Variants in COLEC10 observed in about 807,000 individuals in gnomAD.
COLEC10 encodes the protein collectin subfamily member 10, also known as collectin-10.
Under a neutral mutation model 28.4 loss-of-function variants are expected in COLEC10, and 22 were observed. That is an observed-to-expected ratio of 0.78 (90% CI 0.55 to 1.11). The LOEUF is 1.11. COLEC10 is among the 50% of genes least tolerant of loss of function. The probability of loss-of-function intolerance (pLI) is 0.00; values close to 1 mark genes in which losing one functional copy is unlikely to be tolerated. For missense variants in COLEC10, 361 were observed against 344.1 expected (o/e 1.05, Z -0.39); for synonymous variants, 125 against 116.1 (o/e 1.08, Z -0.49).
chr8:119,067,012 G>A (rs979423132), upstream of COLEC10, among the ~76,000 whole-genome samples: 10 of 152,030 alleles, frequency 6.6e-5, no homozygotes, highest in Admixed American at 2.6e-4. Context: ...TTGTTCTTGG[G>A]GATGTTTCTA....
chr8:119,028,256 A>T (rs1814228699), intron 2 of COLEC10, among the ~76,000 whole-genome samples: 4 of 152,200 alleles, frequency 2.6e-5, no homozygotes, highest in Admixed American at 1.3e-4. Flanking sequence ...CATATCATAT[A>T]TTACATTGAA....
At chr8:119,031,979 A>C (rs1368978095) in intron 2 of COLEC10, among the ~76,000 whole-genome samples, 1 of 152,190 alleles carries the variant, frequency 6.6e-6, no homozygotes, top group East Asian at 1.9e-4. Flanking sequence ...GCATAATTTC[A>C]TTTAAGCTTC....
the COLEC10 span, among the ~76,000 whole-genome samples, chr8:118,982,388 T>C: frequency 1.3e-5 from 2 of 152,118 alleles, no homozygotes; most frequent in Non-Finnish European, 2.9e-5. Flanking sequence ...TCTTTCAAAA[T>C]ATTATGAAAT....
intron 1 of COLEC10, among the ~76,000 whole-genome samples, chr8:119,077,182 T>C (rs929050276): frequency 6.6e-6 from 1 of 151,434 alleles, no homozygotes; most frequent in Non-Finnish European, 1.5e-5. Context: ...ACACTTAAGA[T>C]GACATTTTAC....
chr8:119,035,448 C>A (rs1415640270), intron 2 of COLEC10, among the ~76,000 whole-genome samples: 1 of 152,194 alleles, frequency 6.6e-6, no homozygotes, highest in African/African-American at 2.4e-5. Flanking sequence ...TATCTGGATA[C>A]ATGAAGATGC....
At chr8:119,061,951 A>G (rs1465952608) in intron 2 of COLEC10, among the ~76,000 whole-genome samples, 1 of 152,110 alleles carries the variant, frequency 6.6e-6, no homozygotes, top group African/African-American at 2.4e-5. Flanking sequence ...TTTCTACAAA[A>G]CTGACAAATC....
At chr8:119,023,069 T>G (rs76638527) in intron 2 of COLEC10, among the ~76,000 whole-genome samples, 6,691 of 152,234 alleles carry the variant, frequency 0.044, 216 homozygotes, top group East Asian at 0.16. Context: ...ATATCTCTCT[T>G]GCTTCAAGCC....
At chr8:119,037,216 C>G (rs1814405542) in intron 2 of COLEC10, among the ~76,000 whole-genome samples, 3 of 152,240 alleles carry the variant, frequency 2.0e-5, no homozygotes, top group South Asian at 2.1e-4. Flanking sequence ...TCTTTTGATA[C>G]TATAATATTT....
intron 1 of COLEC10, among the ~76,000 whole-genome samples, chr8:119,073,513 T>C (rs1815164936): frequency 6.6e-6 from 1 of 152,194 alleles, no homozygotes; most frequent in Admixed American, 6.5e-5. Flanking sequence ...TTATGTGTTT[T>C]AATATGTATT....
intron 1 of COLEC10, among the ~76,000 whole-genome samples, chr8:119,069,629 A>AAAAAAAAT (rs1554627284): frequency 4.2e-4 from 18 of 42,864 alleles, no homozygotes; most frequent in Non-Finnish European, 5.3e-4. Flanking sequence ...AAAAAAAAAA[A>AAAAAAAAT]ATATATATAT....
chr8:119,067,411 A>G lies in COLEC10; in HGVS notation c.130A>G (p.Ile44Val). ...CGCTGAAGTCTGTGCCACACACACA[A>G]TTTCACCAGGACCCAAAGGTGAGGA... is the stretch of plus-strand genomic sequence containing the variant. ...PTAEVCATHT[I>V]SPGPKGDDGE... The change falls in exon 1 of 6, where the codon ATT (isoleucine) becomes GTT (valine). Residue 44 changes from isoleucine (I) to valine (V), a missense_variant. Around this residue, in one of 3 missense-constraint regions of COLEC10, gnomAD observed 335 missense variants for 308.5 expected, o/e 1.09. Coordinates refer to ENST00000332843, the MANE Select transcript of COLEC10 (RefSeq NM_006438.5). 1.2e-6 allele frequency: 2 copies of G among 1,613,870 alleles called. No homozygotes were observed. The highest frequency in any genetic ancestry group is 1.7e-6 in the Non-Finnish European group (2 of 1,179,884).
chr8:118,995,435 G>A (rs1242873146), upstream of COLEC10: 2 of 152,134 alleles, frequency 1.3e-5, no homozygotes, highest in African/African-American at 4.8e-5. Context: ...GGAAATCCTT[G>A]TTATCAGTTC....
At chr8:119,068,447 A>C (rs1815017630) in intron 1 of COLEC10, 1 of 152,230 alleles carries the variant, frequency 6.6e-6, no homozygotes, top group Non-Finnish European at 1.5e-5. Context: ...TGAATAAATG[A>C]ATAATGCGAG....
At chr8:119,001,343 A>C (rs1813696565) in intron 1 of COLEC10, among the ~76,000 whole-genome samples, 1 of 152,132 alleles carries the variant, frequency 6.6e-6, no homozygotes, top group Admixed American at 6.6e-5. Context: ...GGGAGGTTAA[A>C]TTTTGCCTAG....
chr8:119,068,171 A>G (rs1815011275), intron 1 of COLEC10: 1 of 152,212 alleles, frequency 6.6e-6, no homozygotes, highest in African/African-American at 2.4e-5. Flanking sequence ...TTAGTAATTC[A>G]TGCTGTTTCT....
Position 119,020,442 on chromosome 8 carries a change from C to G in COLEC10, n.235+10889C>G, listed in dbSNP as rs138226928. On this transcript the variant is annotated intron_variant and non_coding_transcript_variant, in intron 2 of 6. Transcript: ENST00000521788. ...TTTCCAAAAACTAAAGAATTGGTTT[C>G]CAGGTTTGTTTCGTAACTGTGGTTG... 9.3e-3 allele frequency among the ~76,000 whole-genome samples: 1,415 copies of G among 152,146 alleles called. 10 individuals carry two copies. The highest frequency in any genetic ancestry group is 0.02 in the Middle Eastern group (6 of 294).
intron 2 of COLEC10, among the ~76,000 whole-genome samples, chr8:119,024,529 C>T (rs764324461): frequency 1.3e-5 from 2 of 151,642 alleles, no homozygotes; most frequent in East Asian, 2.0e-4. Context: ...CCAACCAACA[C>T]ACAAACACAC....
At chr8:119,058,989 C>A (rs1302939431) in intron 2 of COLEC10, among the ~76,000 whole-genome samples, 1 of 152,006 alleles carries the variant, frequency 6.6e-6, no homozygotes, top group South Asian at 2.1e-4. Context: ...TCATTGAAAT[C>A]TAATGAATAA....
chr8:119,052,606 T>C (rs989534782), intron 2 of COLEC10, among the ~76,000 whole-genome samples: 12 of 152,048 alleles, frequency 7.9e-5, no homozygotes, highest in Non-Finnish European at 1.3e-4. Flanking sequence ...CACAGAAGAA[T>C]GAGATCCTCA....
Sources: gnomAD v4.1 joint callset for allele counts (sites outside exome capture counted in the v4.1 genomes callset) on GRCh38, gnomAD v4.1.1 for gene constraint, gnomAD v4.1.1 regional missense constraint, MANE v1.5 for transcripts, NCBI Gene and HGNC (gene_info 2026-07-23, HGNC 2026-07-21) for gene names.